The following PHGDH variants were observed in gnomAD, a reference collection of about 807,000 sequenced individuals.
PHGDH encodes D-3-phosphoglycerate dehydrogenase.
Under a neutral mutation model 52.6 loss-of-function variants are expected in PHGDH, and 50 were observed. The ratio of observed to expected loss-of-function variants is 0.95; its 90% confidence interval spans 0.76 to 1.20. The LOEUF (loss-of-function observed/expected upper bound fraction) is 1.20. Among genes scored for constraint, PHGDH ranks in the 50% most tolerant of loss-of-function variants. The probability of loss-of-function intolerance (pLI) is 0.00; values close to 1 mark genes in which losing one functional copy is unlikely to be tolerated. For synonymous variants in PHGDH, 271 were observed against 280.5 expected, an observed-to-expected ratio of 0.97 and a Z score of 0.34; for missense variants, 630 against 684.6, an observed-to-expected ratio of 0.92 and a Z score of 0.89.
Position 119,744,034 on chromosome 1 carries a change from C to T in PHGDH, c.1596C>T (p.His532=). 6.2e-7 allele frequency: 1 copy of T among 1,614,158 alleles called. No homozygotes were observed. Among genetic ancestry groups the T allele is most frequent in the Non-Finnish European group, 8.5e-7 (1 of 1,179,978 alleles). The change falls in exon 12 of 12, where the codon CAC becomes CAT. Residue 532 remains histidine (H), a synonymous_variant. Coordinates refer to ENST00000641023, the MANE Select transcript of PHGDH (RefSeq NM_006623.4). ...KQHVTEAFQF[H]F Reference sequence around the variant, plus strand: ...ATGTGACTGAAGCCTTCCAGTTCCACTTCTAACCTTGGAGCTCACTGGTCC... The same window carrying T: ...ATGTGACTGAAGCCTTCCAGTTCCATTTCTAACCTTGGAGCTCACTGGTCC...
At chr1:119,742,539 T>G in intron 10 of PHGDH, 2 of 582,938 alleles carry the variant, frequency 3.4e-6, no homozygotes, top group Non-Finnish European at 6.1e-6. Flanking sequence ...TCCCTGCTTT[T>G]CTTTCCTCCC....
chr1:119,722,898 CA>C (rs59674663), intron 2 of PHGDH, among the ~76,000 whole-genome samples: 26,519 of 88,626 alleles, frequency 0.3, 2,709 homozygotes, highest in African/African-American at 0.46. Flanking sequence ...GAGGCCTTGT[CA>C]AAAAAAAAAA....
intron 2 of PHGDH, 75 bp from the exon 3 acceptor site, chr1:119,723,301 A>G: frequency 8.5e-7 from 1 of 1,173,554 alleles, no homozygotes; most frequent in South Asian, 1.2e-5. Flanking sequence ...GCCTGCACTC[A>G]AGGCTTTCTC....
Position 119,740,426 on chromosome 1 carries a change from C to G in PHGDH, c.986C>G (p.Thr329Ser). ...CTTACCAGTGCCTTCTCTCCACACA[C>G]CAAGCCTTGGATTGGTCTGGCAGAA... Reference protein sequence around the residue: ...QALTSAFSPHTKPWIGLAEAL... With the variant: ...QALTSAFSPHSKPWIGLAEAL... Residue 329 changes from threonine to serine, a missense_variant, in exon 9 of 12, where the codon ACC becomes AGC. By Grantham distance (58) the Thr-to-Ser change is moderately conservative. Coordinates refer to ENST00000641023, the MANE Select transcript of PHGDH (RefSeq NM_006623.4). The G allele has an allele frequency of 6.2e-7, 1 of 1,613,898 alleles. No individual in the cohort carries two copies. Among genetic ancestry groups the G allele is most frequent in the Non-Finnish European group, 8.5e-7 (1 of 1,179,904 alleles).
chr1:119,734,747 T>C lies in PHGDH; in HGVS notation c.624T>C (p.Pro208=), dbSNP rs77401816. The C allele has an allele frequency of 1.1e-3, 1,829 of 1,613,846 alleles. 23 individuals are homozygous for C. In the African/African-American group the frequency reaches 0.022, roughly 20 times the overall value. The part of the protein sequence containing the change: ...PLCDFITVHT[P]LLPSTTGLLN... ...GTGATTTCATCACTGTGCACACTCC[T>C]CTCCTGCCCTCCACGACAGGTAGGT... The change falls in exon 6 of 12, where the codon CCT becomes CCC. Residue 208 remains proline (P), a synonymous_variant. Transcript: ENST00000641023.
At chr1:119,734,286 G>GT (rs1275373108) in intron 5 of PHGDH, 2 of 365,036 alleles carry the variant, frequency 5.5e-6, no homozygotes, top group African/African-American at 2.1e-5. Flanking sequence ...TTGCATCTGT[G>GT]TGTGATCACA....
At chr1:119,722,898 CAAAA>C (rs59674663) in intron 2 of PHGDH, among the ~76,000 whole-genome samples, 1 of 88,706 alleles carries the variant, frequency 1.1e-5, no homozygotes. Flanking sequence ...GAGGCCTTGT[CAAAA>C]AAAAAAAAAA....
intron 3 of PHGDH, chr1:119,724,918 A>G: frequency 2.2e-6 from 1 of 456,656 alleles, no homozygotes; most frequent in Non-Finnish European, 4.4e-6. Context: ...TTGGGAAGGA[A>G]TGCGTTCGTT....
chr1:119,735,393 G>A lies in PHGDH; in HGVS notation c.742G>A (p.Ala248Thr), dbSNP rs374248197. The part of the protein sequence containing the change: ...GIVDEGALLR[A>T]LQSGQCAGAA... The stretch of plus-strand genomic sequence containing the variant: ...CGTGGACGAAGGCGCCCTGCTCCGG[G>A]CCCTGCAGTCTGGCCAGTGTGCCGG... The change falls in exon 7 of 12, where the codon GCC (alanine) becomes ACC (threonine). Residue 248 changes from alanine to threonine, a missense_variant. Ala to Thr is a moderately conservative substitution (Grantham distance 58, BLOSUM62 0). Transcript: ENST00000641023. The A allele has an allele frequency of 1.6e-5, 26 of 1,614,016 alleles. No individual in the cohort carries two copies. The highest frequency in any genetic ancestry group is 2.1e-5 in the Non-Finnish European group (25 of 1,180,046).
At chr1:119,726,560 T>TA in intron 3 of PHGDH, 1 of 525,942 alleles carries the variant, frequency 1.9e-6, no homozygotes, top group Non-Finnish European at 3.4e-6. Context: ...TCGCTTAAAG[T>TA]AAAAAACTCA....
rs1652334896 is a variant in PHGDH at position 119,744,041 on chromosome 1, C to T, written c.*1C>T. 3 of 1,613,966 alleles carry T rather than the reference C, an allele frequency of 1.9e-6. No homozygotes were observed. Among genetic ancestry groups the T allele is most frequent in the East Asian group, 4.5e-5 (2 of 44,886 alleles). On this transcript the variant is annotated 3_prime_UTR_variant, in exon 12 of 12. Transcript: ENST00000641023. ...TGAAGCCTTCCAGTTCCACTTCTAACCTTGGAGCTCACTGGTCCCTGCCTC... is the reference window on the plus strand; with the variant it reads ...TGAAGCCTTCCAGTTCCACTTCTAATCTTGGAGCTCACTGGTCCCTGCCTC...
In PHGDH at chr1:119,718,890, A is replaced by G. The variant is rs189078055; in HGVS notation, c.139-2280A>G. On this transcript the variant is annotated intron_variant, in intron 1 of 11. Transcript: ENST00000641023. ...CTAAGAGAGGACAACTAGATATGAAACATATTATATTGGTGATCACAACAA... is the reference window on the plus strand; with the variant it reads ...CTAAGAGAGGACAACTAGATATGAAGCATATTATATTGGTGATCACAACAA... Among the ~76,000 whole-genome samples, 6 of 152,298 alleles carry G rather than the reference A, an allele frequency of 3.9e-5. No homozygotes were observed. In the East Asian group the frequency reaches 1.2e-3, roughly 29 times the overall value.
intron 5 of PHGDH, among the ~76,000 whole-genome samples, chr1:119,732,879 G>T (rs1651761511): frequency 6.6e-6 from 1 of 152,134 alleles, no homozygotes; most frequent in Admixed American, 6.5e-5. Context: ...CAGTCAGGCT[G>T]GACCTTGTGA....
At chr1:119,721,430 G>A (rs968469683) in intron 2 of PHGDH, 109 bp downstream of exon 2, 2 of 1,120,304 alleles carry the variant, frequency 1.8e-6, no homozygotes, top group African/African-American at 3.1e-5. Flanking sequence ...CCATTGGAAG[G>A]GCTTCCAGGA....
chr1:119,730,300 A>G (rs768339737), intron 5 of PHGDH, among the ~76,000 whole-genome samples: 1 of 152,134 alleles, frequency 6.6e-6, no homozygotes, highest in Non-Finnish European at 1.5e-5. Flanking sequence ...CCATTATTAA[A>G]CTGGTAGAGT....
At chr1:119,732,396 C>T (rs1229508564) in intron 5 of PHGDH, among the ~76,000 whole-genome samples, 1 of 152,200 alleles carries the variant, frequency 6.6e-6, no homozygotes, top group African/African-American at 2.4e-5. Context: ...CAAGGCTTCT[C>T]TCCGGGAGTA....
intron 8 of PHGDH, among the ~76,000 whole-genome samples, chr1:119,737,768 G>A (rs1652010837): frequency 2.6e-5 from 4 of 152,118 alleles, no homozygotes; most frequent in Admixed American, 1.3e-4. Flanking sequence ...CAAGGCATAA[G>A]ACCCCCACTT....
chr1:119,735,029 C>T (rs1416916354), intron 6 of PHGDH: 5 of 621,370 alleles, frequency 8.0e-6, no homozygotes, highest in Non-Finnish European at 1.4e-5. Flanking sequence ...CCCTGCAGGG[C>T]TTTCTGATTC....
Position 119,735,508 on chromosome 1 carries a change from A to T in PHGDH, c.792+65A>T, listed in dbSNP as rs115960082. 3.7e-3 allele frequency: 5,651 copies of T among 1,509,506 alleles called. 192 individuals carry two copies. In the African/African-American group the frequency reaches 0.071, roughly 19 times the overall value. The allele number at this position is 1,509,506 out of a possible 1,614,324, so 93.5% of individuals were successfully genotyped here. A position where few individuals can be genotyped will look rare whatever the true frequency, so the allele number is the denominator to read the frequency against. ...GATAGGGAGCAGAGAGGCCCATGGC[A>T]GGGAAAGCCTGGCGTTTTACAGAAA... On this transcript the variant is annotated intron_variant, in intron 7 of 11. Coordinates refer to ENST00000641023, the MANE Select transcript of PHGDH (RefSeq NM_006623.4).
Sources: allele counts gnomAD v4.1 joint callset (sites outside exome capture counted in the v4.1 genomes callset), GRCh38; gene constraint gnomAD v4.1.1; transcripts MANE v1.5; gene names NCBI Gene and HGNC (gene_info 2026-07-23, HGNC 2026-07-21).